The following TAFA1 variants were observed in gnomAD, a reference collection of about 807,000 sequenced individuals.
TAFA1 encodes the protein TAFA chemokine like family member 1, also known as chemokine-like protein TAFA-1.
In TAFA1, 4 loss-of-function variants were observed where a neutral mutation model predicts 18.5. The observed-to-expected ratio is 0.22, with a 90% CI of 0.11 to 0.49. TAFA1 has a LOEUF of 0.49. Among genes scored for constraint, TAFA1 ranks in the 20% least tolerant of loss-of-function variants. The pLI is 0.98. For synonymous variants in TAFA1, 56 were observed against 55.2 expected (o/e 1.01, Z -0.06); for missense variants, 147 against 169.0 (o/e 0.87, Z 0.72).
At chr3:68,309,318 A>T (rs530502735) in intron 2 of TAFA1, among the ~76,000 whole-genome samples, 1 of 152,346 alleles carries the variant, frequency 6.6e-6, no homozygotes, top group East Asian at 1.9e-4. Context: ...ATGCCCAAAG[A>T]TATCTAGTAC....
chr3:68,324,429 C>T (rs2068745219), intron 2 of TAFA1, among the ~76,000 whole-genome samples: 1 of 152,126 alleles, frequency 6.6e-6, no homozygotes, highest in African/African-American at 2.4e-5. Context: ...ACTAGGAACA[C>T]ACTTGTAGTC....
intron 2 of TAFA1, among the ~76,000 whole-genome samples, chr3:68,150,979 T>C (rs774860441): frequency 1.1e-4 from 16 of 152,042 alleles, no homozygotes; most frequent in Admixed American, 3.3e-4. Context: ...CCTCAATTTA[T>C]ACACTAGAAA....
intron 2 of TAFA1, among the ~76,000 whole-genome samples, chr3:68,285,773 A>G (rs1354155613): frequency 1.3e-5 from 2 of 152,146 alleles, no homozygotes; most frequent in Non-Finnish European, 2.9e-5. Flanking sequence ...TGCAATTGTC[A>G]CTAAGGGTGA....
chr3:68,483,817 G>A (rs576675078), intron 3 of TAFA1, among the ~76,000 whole-genome samples: 3 of 152,294 alleles, frequency 2.0e-5, no homozygotes, highest in African/African-American at 7.2e-5. Flanking sequence ...ACAGGCAAAG[G>A]GCCAGTGTCA....
intron 4 of TAFA1, among the ~76,000 whole-genome samples, chr3:68,543,571 A>C (rs144759988): frequency 6.6e-6 from 1 of 152,240 alleles, no homozygotes; most frequent in African/African-American, 2.4e-5. Context: ...AACTGGCCCA[A>C]CACAAATCCA....
chr3:68,257,698 G>C (rs978751434), intron 2 of TAFA1, among the ~76,000 whole-genome samples: 3 of 152,092 alleles, frequency 2.0e-5, no homozygotes, highest in African/African-American at 7.2e-5. Flanking sequence ...CCTCTAAAAA[G>C]TGGCCAACCT....
At position 68,409,724 on chromosome 3, in the gene TAFA1, G is replaced by A. The variant is rs775374710; in HGVS notation, c.119-7556G>A. Among the ~76,000 whole-genome samples the A allele has an allele frequency of 9.2e-5, 14 of 152,100 alleles. 1 individual carries two copies. Among genetic ancestry groups the A allele is most frequent in the South Asian group, 2.1e-4 (1 of 4,820 alleles). The stretch of plus-strand genomic sequence containing the variant: ...AATTCCCTGGCAGATGAAAAGGACC[G>A]GACATTAGCAAGTTCCCATAGGTGT... On this transcript the variant is annotated intron_variant, in intron 2 of 4. Coordinates refer to ENST00000478136, the MANE Select transcript of TAFA1 (RefSeq NM_213609.4).
intron 3 of TAFA1, among the ~76,000 whole-genome samples, chr3:68,447,364 C>A (rs904541766): frequency 2.6e-5 from 4 of 152,124 alleles, no homozygotes; most frequent in African/African-American, 9.7e-5. Flanking sequence ...GTCTAAAAAC[C>A]AAACTGTTGG....
At chr3:68,271,819 C>A (rs1321681339) in intron 2 of TAFA1, among the ~76,000 whole-genome samples, 1 of 143,316 alleles carries the variant, frequency 7.0e-6, no homozygotes, top group East Asian at 2.1e-4. Flanking sequence ...TTGTCTATCT[C>A]TCTCTCTCTC....
chr3:68,460,714 A>C (rs550311194), intron 3 of TAFA1, among the ~76,000 whole-genome samples: 3 of 152,118 alleles, frequency 2.0e-5, no homozygotes, highest in Non-Finnish European at 4.4e-5. Flanking sequence ...TCGTTAACAC[A>C]CAGGTTGCTT....
At chr3:68,271,511 T>C (rs562736079) in intron 2 of TAFA1, among the ~76,000 whole-genome samples, 2 of 152,222 alleles carry the variant, frequency 1.3e-5, no homozygotes, top group East Asian at 3.9e-4. Context: ...AGAAAGAATG[T>C]TGGGTGGGAA....
intron 2 of TAFA1, among the ~76,000 whole-genome samples, chr3:68,380,218 C>T (rs2069911157): frequency 1.3e-5 from 2 of 152,102 alleles, no homozygotes; most frequent in Non-Finnish European, 2.9e-5. Flanking sequence ...AATACTGCCG[C>T]AATAAACATA....
chr3:68,158,496 A>G (rs2065889822), intron 2 of TAFA1, among the ~76,000 whole-genome samples: 1 of 151,650 alleles, frequency 6.6e-6, no homozygotes, highest in Non-Finnish European at 1.5e-5. Context: ...CATTGTGGCC[A>G]TTTTTCGTGT....
chr3:68,108,640 A>G (rs2065230923), intron 2 of TAFA1, among the ~76,000 whole-genome samples: 1 of 152,142 alleles, frequency 6.6e-6, no homozygotes, highest in South Asian at 2.1e-4. Context: ...TAGACAGCAT[A>G]AAGCTTGACA....
chr3:68,144,108 T>C (rs1559536412), intron 2 of TAFA1, among the ~76,000 whole-genome samples: 1 of 152,168 alleles, frequency 6.6e-6, no homozygotes, highest in Non-Finnish European at 1.5e-5. Flanking sequence ...GAAAATAACT[T>C]TCTGTGCTCC....
intron 2 of TAFA1, among the ~76,000 whole-genome samples, chr3:68,190,481 C>A (rs980193459): frequency 2.6e-5 from 4 of 151,864 alleles, no homozygotes; most frequent in African/African-American, 9.7e-5. Context: ...GAGTCCATCA[C>A]CTCATTGCTC....
At chr3:68,264,016 G>C (rs2067490280) in intron 2 of TAFA1, among the ~76,000 whole-genome samples, 1 of 152,056 alleles carries the variant, frequency 6.6e-6, no homozygotes, top group Non-Finnish European at 1.5e-5. Context: ...TTGAGGCTGG[G>C]CACAGTGGCT....
chr3:68,288,234 G>A (rs563207928), intron 2 of TAFA1, among the ~76,000 whole-genome samples: 8 of 152,298 alleles, frequency 5.3e-5, no homozygotes, highest in Admixed American at 1.3e-4. Context: ...ACTCCGCAGT[G>A]CAAAACAGAG....
chr3:68,336,601 G>T (rs997763461), intron 2 of TAFA1, among the ~76,000 whole-genome samples: 14 of 152,186 alleles, frequency 9.2e-5, no homozygotes, highest in Non-Finnish European at 1.8e-4. Flanking sequence ...TGCTTGAAAG[G>T]TATGAGGATG....
Sources: allele counts gnomAD v4.1 joint callset (sites outside exome capture counted in the v4.1 genomes callset), GRCh38; gene constraint gnomAD v4.1.1; transcripts MANE v1.5; gene names NCBI Gene and HGNC (gene_info 2026-07-23, HGNC 2026-07-21).